The following IL1R1 variants were observed in gnomAD, a reference collection of about 807,000 sequenced individuals.
The protein encoded by IL1R1 is interleukin-1 receptor type 1.
IL1R1 carries 22 observed loss-of-function variants against 50.2 expected under a neutral mutation model. The observed-to-expected ratio is 0.44, with a 90% CI of 0.31 to 0.63. The LOEUF (loss-of-function observed/expected upper bound fraction) is 0.63. IL1R1 is among the 20% of genes least tolerant of loss of function. IL1R1 has a pLI of 0.07. For synonymous variants in IL1R1, 251 were observed against 236.7 expected (o/e 1.06, Z -0.55); for missense variants, 509 against 676.2 (o/e 0.75, Z 2.74).
Position 102,176,867 on chromosome 2 carries a change from T to A in IL1R1, c.*108T>A, listed in dbSNP as rs202020958. 19 of 1,072,802 alleles carry A rather than the reference T, an allele frequency of 1.8e-5. No individual in the cohort carries two copies. The South Asian group carries it at 2.3e-4, about 13-fold the overall frequency. The allele number at this position is 1,072,802 out of a possible 1,614,324, so 66.5% of individuals were successfully genotyped here. A position where few individuals can be genotyped will look rare whatever the true frequency, so the allele number is the denominator to read the frequency against. On this transcript the variant is annotated 3_prime_UTR_variant, in exon 12 of 12. Coordinates refer to ENST00000410023, the MANE Select transcript of IL1R1 (RefSeq NM_000877.4). ...GAGTTCATGGAATGTAACTATATCATCCTTTATCCCTGAGGTCACCTGGAA... is the reference window on the plus strand; with the variant it reads ...GAGTTCATGGAATGTAACTATATCAACCTTTATCCCTGAGGTCACCTGGAA...
intron 1 of IL1R1, among the ~76,000 whole-genome samples, chr2:102,109,586 A>G (rs1205382297): frequency 1.3e-5 from 2 of 152,116 alleles, no homozygotes; most frequent in African/African-American, 4.8e-5. Context: ...GAGGTGTTGA[A>G]CCTGGAAAAC....
chr2:102,116,754 C>G (rs375769900), intron 1 of IL1R1, among the ~76,000 whole-genome samples: 1 of 152,178 alleles, frequency 6.6e-6, no homozygotes, highest in East Asian at 1.9e-4. Flanking sequence ...TGAAAACCTC[C>G]TTCCTCTTGG....
At chr2:102,123,377 T>C (rs1320821886) in intron 1 of IL1R1, among the ~76,000 whole-genome samples, 2 of 152,224 alleles carry the variant, frequency 1.3e-5, no homozygotes, top group Non-Finnish European at 2.9e-5. Context: ...CAGAGGTCCA[T>C]GTTTAAAACA....
In IL1R1 at chr2:102,175,624, A is replaced by G; in HGVS notation, c.1282A>G (p.Arg428Gly). Reference sequence around the variant, plus strand: ...TGGATATAAGCTGTTCATTTATGGAAGGGATGACTACGTTGGGGAAGGTAT... The same window carrying G: ...TGGATATAAGCTGTTCATTTATGGAGGGGATGACTACGTTGGGGAAGGTAT... ...QCGYKLFIYG[R>G]DDYVGEDIVE... The change falls in exon 11 of 12, where the codon AGG becomes GGG. Residue 428 changes from arginine (R) to glycine (G), a missense_variant. By Grantham distance (125) the Arg-to-Gly change is moderately radical. Coordinates refer to ENST00000410023, the MANE Select transcript of IL1R1 (RefSeq NM_000877.4). The G allele has an allele frequency of 1.2e-6, 2 of 1,614,054 alleles. No homozygotes were observed. The highest frequency in any genetic ancestry group is 1.7e-6 in the Non-Finnish European group (2 of 1,179,958).
At chr2:102,076,988 A>G (rs1019125730) in intron 1 of IL1R1, among the ~76,000 whole-genome samples, 3 of 151,194 alleles carry the variant, frequency 2.0e-5, no homozygotes, top group Admixed American at 6.6e-5. Flanking sequence ...CATTTTTTCA[A>G]TCTTCTTTTC....
At chr2:102,130,365 A>G (rs1180242888) in intron 1 of IL1R1, among the ~76,000 whole-genome samples, 1 of 152,190 alleles carries the variant, frequency 6.6e-6, no homozygotes, top group Non-Finnish European at 1.5e-5. Flanking sequence ...AAGCAATCAC[A>G]ATTGCTAATG....
intron 1 of IL1R1, among the ~76,000 whole-genome samples, chr2:102,078,730 G>A (rs6729887): frequency 0.026 from 4,006 of 152,096 alleles, 175 homozygotes; most frequent in African/African-American, 0.091. Context: ...GGACACTTGC[G>A]AATTCATCCT....
chr2:102,077,016 G>T (rs192481163), intron 1 of IL1R1, among the ~76,000 whole-genome samples: 2 of 151,752 alleles, frequency 1.3e-5, no homozygotes, highest in Admixed American at 6.6e-5. Context: ...TTAATTTTGG[G>T]TAGTTTCTAT....
intron 1 of IL1R1, among the ~76,000 whole-genome samples, chr2:102,117,275 G>A (rs778679148): frequency 6.6e-6 from 1 of 152,084 alleles, no homozygotes; most frequent in Admixed American, 6.5e-5. Context: ...GTCTGTATTT[G>A]TCCATATGCT....
At chr2:102,123,987 G>T (rs961675034) in intron 1 of IL1R1, among the ~76,000 whole-genome samples, 2 of 151,930 alleles carry the variant, frequency 1.3e-5, no homozygotes, top group African/African-American at 2.4e-5. Context: ...GAAAGAGAAA[G>T]GGGTTTATCT....
chr2:102,098,813 T>A (rs1474045200), intron 1 of IL1R1, among the ~76,000 whole-genome samples: 1 of 152,232 alleles, frequency 6.6e-6, no homozygotes, highest in Non-Finnish European at 1.5e-5. Flanking sequence ...CTATATTGTT[T>A]ACAACAAAAG....
chr2:102,099,341 G>T (rs1331552480), intron 1 of IL1R1, among the ~76,000 whole-genome samples: 3 of 152,244 alleles, frequency 2.0e-5, no homozygotes, highest in Non-Finnish European at 4.4e-5. Context: ...TACCCATCCA[G>T]TGGCCTTTGT....
Position 102,117,972 on chromosome 2 carries a change from T to TAC in IL1R1, c.-84+13104_-84+13105dup, listed in dbSNP as rs1387529241. On this transcript the variant is annotated intron_variant, in intron 1 of 10. Transcript: ENST00000409329. ...TATATATAGGAAATGTATATATATA[T>TAC]ACACATATAATATATATATAGACAA... Among the ~76,000 whole-genome samples the TAC allele has an allele frequency of 1.3e-4, 20 of 150,206 alleles. No homozygotes were observed. In the South Asian group the frequency reaches 2.7e-3, roughly 20 times the overall value.
intron 1 of IL1R1, among the ~76,000 whole-genome samples, chr2:102,124,710 G>C (rs1008241437): frequency 3.3e-5 from 5 of 152,070 alleles, no homozygotes; most frequent in Admixed American, 2.6e-4. Flanking sequence ...TTAAGGTCAG[G>C]AGTTTGGGAC....
chr2:102,170,936 C>T (rs1685615308), intron 7 of IL1R1, among the ~76,000 whole-genome samples: 1 of 152,122 alleles, frequency 6.6e-6, no homozygotes, highest in African/African-American at 2.4e-5. Flanking sequence ...TGGTGCACAC[C>T]TGTAGTTCCA....
intron 5 of IL1R1, among the ~76,000 whole-genome samples, chr2:102,165,677 C>T (rs1685122659): frequency 6.6e-6 from 1 of 152,106 alleles, no homozygotes; most frequent in South Asian, 2.1e-4. Context: ...CCATAACTGT[C>T]TGAAAAGTGG....
At chr2:102,085,941 A>T (rs964415264) in intron 1 of IL1R1, among the ~76,000 whole-genome samples, 6 of 150,444 alleles carry the variant, frequency 4.0e-5, no homozygotes, top group South Asian at 2.1e-4. Context: ...ATATTTTCAG[A>T]AGAATCACTG....
chr2:102,103,680 A>T (rs1165524440), upstream of IL1R1, among the ~76,000 whole-genome samples: 3 of 152,084 alleles, frequency 2.0e-5, no homozygotes, highest in African/African-American at 7.2e-5. Flanking sequence ...AGTGCAGAGC[A>T]CAGGAGGAGC....
chr2:102,126,455 C>T (rs779645819), intron 1 of IL1R1, among the ~76,000 whole-genome samples: 2 of 152,156 alleles, frequency 1.3e-5, no homozygotes, highest in Admixed American at 6.5e-5. Flanking sequence ...CCTCAATTGA[C>T]ATGGTAGCTG....
Sources: gnomAD v4.1 joint callset for allele counts (sites outside exome capture counted in the v4.1 genomes callset) on GRCh38, gnomAD v4.1.1 for gene constraint, MANE v1.5 for transcripts, NCBI Gene and HGNC (gene_info 2026-07-23, HGNC 2026-07-21) for gene names.